Variants in UGGT2 observed in about 807,000 individuals in gnomAD.
UGGT2 encodes UDP-glucose glycoprotein glucosyltransferase 2.
UGGT2 carries 180 observed loss-of-function variants against 192.1 expected under a neutral mutation model. The observed-to-expected ratio is 0.94, with a 90% CI of 0.83 to 1.06. The LOEUF (loss-of-function observed/expected upper bound fraction) is 1.06. Ranked by LOEUF, UGGT2 falls within the 50% of genes least tolerant of loss-of-function variation. UGGT2 has a pLI of 0.00. For synonymous variants in UGGT2, 580 were observed against 591.0 expected (o/e 0.98, Z 0.27); for missense variants, 1,849 against 1,795.7 (o/e 1.03, Z -0.54).
chr13:95,889,515 T>A (rs1199265864), intron 25 of UGGT2, among the ~76,000 whole-genome samples: 4 of 152,210 alleles, frequency 2.6e-5, no homozygotes, highest in Non-Finnish European at 2.9e-5. Context: ...CAATATCTAA[T>A]TACTTTTGCC....
intron 1 of UGGT2, among the ~76,000 whole-genome samples, chr13:96,041,538 A>G (rs756554774): frequency 6.6e-6 from 1 of 152,178 alleles, no homozygotes; most frequent in Non-Finnish European, 1.5e-5. Flanking sequence ...CAAACTCCAC[A>G]GGTGGGGAAG....
intron 38 of UGGT2, among the ~76,000 whole-genome samples, chr13:95,818,069 G>A (rs1885090580): frequency 6.6e-6 from 1 of 152,170 alleles, no homozygotes. Flanking sequence ...CGTTTTGGGA[G>A]GCCAAGGCGG....
At chr13:95,959,054 T>G (rs1213990740) in intron 12 of UGGT2, among the ~76,000 whole-genome samples, 1 of 152,164 alleles carries the variant, frequency 6.6e-6, no homozygotes, top group Non-Finnish European at 1.5e-5. Flanking sequence ...GGCATCATTT[T>G]GAGAGCCCAG....
chr13:95,840,495 G>T (rs1312923862), intron 36 of UGGT2, among the ~76,000 whole-genome samples: 1 of 151,990 alleles, frequency 6.6e-6, no homozygotes, highest in African/African-American at 2.4e-5. Flanking sequence ...ACAATGAGTG[G>T]TTTTGATACC....
Position 95,880,728 on chromosome 13 carries a change from C to G in UGGT2, c.3229-2872G>C, listed in dbSNP as rs187470723. Among the ~76,000 whole-genome samples the G allele has an allele frequency of 6.6e-4, 100 of 152,142 alleles. No homozygotes were observed. The Middle Eastern group carries it at 0.017, about 26-fold the overall frequency. On this transcript the variant is annotated intron_variant, in intron 27 of 38. Transcript: ENST00000376747. The stretch of plus-strand genomic sequence containing the variant: ...ATGACAGTGCTTGTGTTCAAGGAAC[C>G]CTTATGTCACTTAGTGACCCCAAAG...
rs554587222 is a variant in UGGT2 at position 95,986,200 on chromosome 13, G to T, written c.1031+133C>A. On this transcript the variant is annotated intron_variant, in intron 9 of 38. Coordinates refer to ENST00000376747, the MANE Select transcript of UGGT2 (RefSeq NM_020121.4). ...CAAAAAATATATATATATTGAAAAGGCCCTGATTTCACAAAAGCTATATAT... is the reference window on the plus strand; with the variant it reads ...CAAAAAATATATATATATTGAAAAGTCCCTGATTTCACAAAAGCTATATAT... 8 of 592,564 alleles carry T rather than the reference G, an allele frequency of 1.4e-5. No individual in the cohort carries two copies. In the East Asian group the frequency reaches 1.6e-4, roughly 12 times the overall value. 36.7% of individuals were successfully genotyped at this position (592,564 alleles called of 1,614,324 possible). A position where few individuals can be genotyped will look rare whatever the true frequency, so the allele number is the denominator to read the frequency against.
At chr13:95,961,295 G>A (rs2050384293) in intron 12 of UGGT2, among the ~76,000 whole-genome samples, 1 of 152,052 alleles carries the variant, frequency 6.6e-6, no homozygotes, top group South Asian at 2.1e-4. Context: ...TTTACACTTA[G>A]AAGATACAGA....
In UGGT2 at chr13:95,854,394, G is replaced by A. The variant is rs775045421; in HGVS notation, c.4090C>T (p.Arg1364Cys). The change falls in exon 35 of 39, where the codon CGC becomes TGC. Residue 1364 changes from arginine to cysteine, a missense_variant. Transcript: ENST00000376747. ...PYGYTPFCDS[R>C]REMDGYRFWK... ...AAACGATATCCATCCATTTCCCTGCGGCTATCACAAAATGGAGTATACCCA... is the reference window on the plus strand; with the variant it reads ...AAACGATATCCATCCATTTCCCTGCAGCTATCACAAAATGGAGTATACCCA... 20 of 1,613,622 alleles carry A rather than the reference G, an allele frequency of 1.2e-5. No homozygotes were observed. Among genetic ancestry groups the A allele is most frequent in the East Asian group, 6.7e-5 (3 of 44,854 alleles).
At chr13:95,848,341 CT>C (rs983645449) in intron 36 of UGGT2, among the ~76,000 whole-genome samples, 2 of 152,206 alleles carry the variant, frequency 1.3e-5, no homozygotes, top group African/African-American at 4.8e-5. Context: ...CGGATCATGA[CT>C]TTGGTGTTAT....
rs138386051 is a variant in UGGT2 at position 95,887,935 on chromosome 13, A to G, written c.2995T>C (p.Phe999Leu). Residue 999 changes from phenylalanine (F) to leucine (L), a missense_variant, in exon 26 of 39, where the codon TTC becomes CTC. By Grantham distance (22) the Phe-to-Leu change is conservative. Transcript: ENST00000376747. ...GKIINMKIKL[F>L]MNCRGRLSEA... ...GAAAGCCTGCCCCTACAGTTCATGA[A>G]CAACTTTATCTTCATGTTGATAATC... The G allele has an allele frequency of 1.9e-5, 31 of 1,604,170 alleles. No homozygotes were observed. Among genetic ancestry groups the G allele is most frequent in the African/African-American group, 2.7e-5 (2 of 74,764 alleles).
chr13:95,921,057 G>T (rs905394587), intron 20 of UGGT2, among the ~76,000 whole-genome samples: 1 of 152,124 alleles, frequency 6.6e-6, no homozygotes, highest in Admixed American at 6.6e-5. Context: ...CACAGAAGGA[G>T]TTGGAAGCCA....
chr13:95,861,895 C>T (rs1375257050), intron 31 of UGGT2, among the ~76,000 whole-genome samples: 1 of 152,010 alleles, frequency 6.6e-6, no homozygotes, highest in African/African-American at 2.4e-5. Flanking sequence ...GTATCTGGAG[C>T]AGTTAACGTC....
chr13:95,877,680 C>T lies in UGGT2; in HGVS notation c.3387+18G>A, dbSNP rs1891837245. On this transcript the variant is annotated intron_variant, in intron 28 of 38. Transcript: ENST00000376747. ...ACCAAAACATCAAATTAAACACCATCAATTAAATAATACTTACATGATGTG... is the reference window on the plus strand; with the variant it reads ...ACCAAAACATCAAATTAAACACCATTAATTAAATAATACTTACATGATGTG... The T allele has an allele frequency of 7.5e-6, 12 of 1,599,538 alleles. No individual in the cohort carries two copies. The highest frequency in any genetic ancestry group is 1.7e-4 in the Middle Eastern group (1 of 6,030).
Position 96,053,207 on chromosome 13 carries a change from T to C in UGGT2, c.106A>G (p.Thr36Ala). 1 of 1,532,838 alleles carries C rather than the reference T, an allele frequency of 6.5e-7. No individual in the cohort carries two copies. Among genetic ancestry groups the C allele is most frequent in the South Asian group, 1.2e-5 (1 of 82,964 alleles). The allele number at this position is 1,532,838 out of a possible 1,614,324, so 95.0% of individuals were successfully genotyped here. Residue 36 changes from threonine (T) to alanine (A), a missense_variant, in exon 1 of 39, where the codon ACT (threonine) becomes GCT (alanine). By Grantham distance (58) the Thr-to-Ala change is moderately conservative (BLOSUM62 0). Coordinates refer to ENST00000376747, the MANE Select transcript of UGGT2 (RefSeq NM_020121.4). ...SGTVAASKSV[T>A]AHLAAKWPET... ...GGCCACTTCGCGGCCAAGTGGGCAG[T>C]CACCGACTTGGACGCGGCGACCGTC...
intron 36 of UGGT2, among the ~76,000 whole-genome samples, chr13:95,852,395 T>C (rs1594149442): frequency 6.6e-6 from 1 of 152,142 alleles, no homozygotes; most frequent in African/African-American, 2.4e-5. Flanking sequence ...GTCATCTTCA[T>C]AGGGACATAT....
intron 13 of UGGT2, among the ~76,000 whole-genome samples, chr13:95,948,733 A>T (rs866878187): frequency 1.3e-5 from 2 of 152,228 alleles, no homozygotes; most frequent in Non-Finnish European, 2.9e-5. Flanking sequence ...AAAATGTAAA[A>T]GTAACATTAA....
At chr13:96,023,531 T>G (rs894702132) in intron 3 of UGGT2, 98 bp downstream of exon 3, 1 of 1,299,948 alleles carries the variant, frequency 7.7e-7, no homozygotes, top group African/African-American at 1.5e-5. Context: ...ACTATAAACT[T>G]GTAGATCATT....
At chr13:95,941,958 C>A (rs9561991) in intron 15 of UGGT2, among the ~76,000 whole-genome samples, 58,619 of 151,848 alleles carry the variant, frequency 0.39, 11,476 homozygotes, top group Middle Eastern at 0.42. Context: ...TATGCGAATA[C>A]GTATTCCCAT....
intron 3 of UGGT2, 141 bp downstream of exon 3, chr13:96,023,485 CAAT>C (rs2052574151): frequency 1.0e-5 from 8 of 764,490 alleles, no homozygotes; most frequent in African/African-American, 3.7e-5. Context: ...TAAATGACAA[CAAT>C]AATAATATAA....
Sources: allele counts gnomAD v4.1 joint callset (sites outside exome capture counted in the v4.1 genomes callset), GRCh38; gene constraint gnomAD v4.1.1; transcripts MANE v1.5; gene names NCBI Gene and HGNC (gene_info 2026-07-23, HGNC 2026-07-21).